The following EIF4E3 variants were observed in gnomAD, a reference collection of about 807,000 sequenced individuals.
The protein encoded by EIF4E3 is eukaryotic translation initiation factor 4E family member 3, also known as eukaryotic translation initiation factor 4E type 3.
A neutral mutation model predicts 31.7 loss-of-function variants in EIF4E3; 26 were observed. That is an observed-to-expected ratio of 0.82 (90% CI 0.60 to 1.14). EIF4E3 has a LOEUF of 1.14. Ranked by LOEUF, EIF4E3 falls within the 50% of genes most tolerant of loss-of-function variation. The pLI, the probability that EIF4E3 is intolerant of heterozygous loss-of-function variation, is 0.00. For synonymous variants in EIF4E3, 128 were observed against 107.7 expected, an observed-to-expected ratio of 1.19 and a Z score of -1.17; for missense variants, 304 against 270.9, an observed-to-expected ratio of 1.12 and a Z score of -0.86.
chr3:71,717,877 C>T (rs758726958), intron 1 of EIF4E3, among the ~76,000 whole-genome samples: 5 of 152,174 alleles, frequency 3.3e-5, no homozygotes, highest in Non-Finnish European at 5.9e-5. Context: ...CAGTGCTTAA[C>T]ACGAATGAGT....
chr3:71,748,246 T>C (rs1288616416), intron 1 of EIF4E3, among the ~76,000 whole-genome samples: 2 of 152,244 alleles, frequency 1.3e-5, no homozygotes, highest in African/African-American at 4.8e-5. Flanking sequence ...AAATACAGTA[T>C]TTGAGAGATG....
At chr3:71,735,826 A>T (rs961961015) in intron 1 of EIF4E3, among the ~76,000 whole-genome samples, 2 of 152,150 alleles carry the variant, frequency 1.3e-5, no homozygotes, top group African/African-American at 4.8e-5. Context: ...ATGAGAAGAA[A>T]ACATTTTCAT....
At chr3:71,730,019 A>G (rs2049688353), upstream of EIF4E3, among the ~76,000 whole-genome samples, 1 of 152,198 alleles carries the variant, frequency 6.6e-6, no homozygotes, top group South Asian at 2.1e-4. Context: ...AAGGAAGGCA[A>G]TGGCCACTAG....
At chr3:71,721,941 C>A (rs1055859002) in intron 1 of EIF4E3, among the ~76,000 whole-genome samples, 2 of 151,986 alleles carry the variant, frequency 1.3e-5, no homozygotes, top group African/African-American at 4.8e-5. Context: ...TGGCTAAGGT[C>A]CCTGCTTGGG....
upstream of EIF4E3, among the ~76,000 whole-genome samples, chr3:71,729,852 G>A (rs1559610235): frequency 7.2e-6 from 1 of 139,548 alleles, no homozygotes; most frequent in African/African-American, 2.6e-5. Context: ...TTAAGTGTTT[G>A]TTGAATGGGT....
At position 71,686,968 on chromosome 3, in the gene EIF4E3, T is replaced by A. The variant is rs1318204666; in HGVS notation, c.629-2240A>T. On this transcript the variant is annotated intron_variant, in intron 6 of 6. Transcript: ENST00000425534. ...GGAAGAGAATAAATGTTTGTCTTTATGACCATATGGTCTCTGTCCCAATTA... is the reference window on the plus strand; with the variant it reads ...GGAAGAGAATAAATGTTTGTCTTTAAGACCATATGGTCTCTGTCCCAATTA... Among the ~76,000 whole-genome samples the A allele has an allele frequency of 2.6e-5, 4 of 152,334 alleles. No individual in the cohort carries two copies. The East Asian group carries it at 5.8e-4, about 22-fold the overall frequency.
At chr3:71,692,207 GGCA>G (rs1270136095) in intron 5 of EIF4E3, among the ~76,000 whole-genome samples, 1 of 152,160 alleles carries the variant, frequency 6.6e-6, no homozygotes, top group Non-Finnish European at 1.5e-5. Flanking sequence ...TTAGGGTACT[GGCA>G]GCATAAGACA....
chr3:71,680,408 G>A lies in EIF4E3; in HGVS notation c.*4274C>T, dbSNP rs1259814861. The A allele has an allele frequency of 6.6e-6, 1 of 152,158 alleles. No individual in the cohort carries two copies. Among genetic ancestry groups the A allele is most frequent in the South Asian group, 2.1e-4 (1 of 4,820 alleles). 9.4% of individuals were successfully genotyped at this position (152,158 alleles called of 1,614,324 possible). On this transcript the variant is annotated 3_prime_UTR_variant, in exon 7 of 7. Coordinates refer to ENST00000425534, the MANE Select transcript of EIF4E3 (RefSeq NM_001134651.2). ...TGCATGCTAAGGGGTGAGAAGCACT[G>A]GTAGATGATCTCAAAGGTCCCTTCC... is the stretch of plus-strand genomic sequence containing the variant.
chr3:71,700,379 G>A (rs2049198535), intron 2 of EIF4E3, among the ~76,000 whole-genome samples: 1 of 152,074 alleles, frequency 6.6e-6, no homozygotes, highest in Non-Finnish European at 1.5e-5. Flanking sequence ...CTGAATATAT[G>A]TACTGAACAT....
chr3:71,753,785 G>C (rs987677903), upstream of EIF4E3, among the ~76,000 whole-genome samples: 1 of 148,614 alleles, frequency 6.7e-6, no homozygotes, highest in Non-Finnish European at 1.5e-5. Context: ...GGACGGTGGC[G>C]AGGCCCTGTC....
At chr3:71,744,726 C>T (rs1343663650) in intron 1 of EIF4E3, among the ~76,000 whole-genome samples, 1 of 152,202 alleles carries the variant, frequency 6.6e-6, no homozygotes, top group African/African-American at 2.4e-5. Context: ...GGCTGGGTGA[C>T]AGAGCGAGAC....
chr3:71,691,113 C>T (rs1013016289), intron 5 of EIF4E3, among the ~76,000 whole-genome samples: 3 of 152,238 alleles, frequency 2.0e-5, no homozygotes, highest in Admixed American at 2.0e-4. Flanking sequence ...GTTCATGACA[C>T]GGTAATGCAA....
At chr3:71,713,775 T>C (rs987822785) in intron 1 of EIF4E3, among the ~76,000 whole-genome samples, 5 of 152,298 alleles carry the variant, frequency 3.3e-5, no homozygotes, top group Admixed American at 6.5e-5. Flanking sequence ...ATTCATATAA[T>C]ATTCTGAGAA....
At position 71,710,444 on chromosome 3, in the gene EIF4E3, G is replaced by A; in HGVS notation, c.217C>T (p.Leu73=). 6.4e-7 allele frequency: 1 copy of A among 1,551,006 alleles called. No individual in the cohort carries two copies. The highest frequency in any genetic ancestry group is 8.7e-7 in the Non-Finnish European group (1 of 1,146,704). The change falls in exon 2 of 7, where the codon CTG becomes TTG. Residue 73 remains leucine, a synonymous_variant. Coordinates refer to ENST00000425534, the MANE Select transcript of EIF4E3 (RefSeq NM_001134651.2). ...GTCTGTACTGTGTAGATTTTCTTCAGATTTGATGCGCACTCAGCTGCTGTG... is the reference window on the plus strand; with the variant it reads ...GTCTGTACTGTGTAGATTTTCTTCAAATTTGATGCGCACTCAGCTGCTGTG... ...GATAAECASN[L]KKIYTVQTVQ...
chr3:71,697,086 G>A (rs986223246), intron 3 of EIF4E3, among the ~76,000 whole-genome samples: 2 of 152,022 alleles, frequency 1.3e-5, no homozygotes, highest in African/African-American at 4.8e-5. Flanking sequence ...CATGATCGTA[G>A]CTCACTGTAG....
chr3:71,699,808 C>T, intron 2 of EIF4E3, 100 bp from the exon 3 acceptor site: 1 of 936,946 alleles, frequency 1.1e-6, no homozygotes, highest in Non-Finnish European at 1.6e-6. Flanking sequence ...TTTTGATTCT[C>T]ATTGTTTTAT....
chr3:71,754,090 A>G, upstream of EIF4E3: 1 of 1,349,576 alleles, frequency 7.4e-7, no homozygotes, highest in Non-Finnish European at 9.6e-7. This position sits in a 1 kb window ranked among gnomAD's most constrained non-coding sequence, Gnocchi z 5.8. Context: ...GGCGGCGGCG[A>G]GGCGGCCGCC....
chr3:71,660,537 T>C, the EIF4E3 span, among the ~76,000 whole-genome samples: 5 of 152,132 alleles, frequency 3.3e-5, no homozygotes, highest in Non-Finnish European at 7.4e-5. Flanking sequence ...GACCAGATGT[T>C]AGCAGCCGAG....
In EIF4E3 at chr3:71,683,248, G is replaced by A. The variant is rs558156019; in HGVS notation, c.*1434C>T. 3.9e-5 allele frequency: 6 copies of A among 152,310 alleles called. No individual in the cohort carries two copies. The highest frequency in any genetic ancestry group is 1.4e-4 in the African/African-American group (6 of 41,570). 9.4% of individuals were successfully genotyped at this position (152,310 alleles called of 1,614,324 possible). ...ATTTTATCTACAAACACATAGTGGA[G>A]GCTTAAAGTAGCCTCAAGTCTCTCT... On this transcript the variant is annotated 3_prime_UTR_variant, in exon 7 of 7. Transcript: ENST00000425534.
Sources: gnomAD v4.1 joint callset for allele counts (sites outside exome capture counted in the v4.1 genomes callset) on GRCh38, gnomAD v4.1.1 for gene constraint, Gnocchi (gnomAD v3.1) non-coding constraint, MANE v1.5 for transcripts, NCBI Gene and HGNC (gene_info 2026-07-23, HGNC 2026-07-21) for gene names.